Variants in CFAP54 observed in about 807,000 individuals in gnomAD.
CFAP54 encodes cilia and flagella associated protein 54.
A neutral mutation model predicts 370.4 loss-of-function variants in CFAP54; 290 were observed. That is an observed-to-expected ratio of 0.78 (90% CI 0.71 to 0.86). The LOEUF is 0.86. Ranked by LOEUF, CFAP54 falls within the 40% of genes least tolerant of loss-of-function variation. The pLI, the probability that CFAP54 is intolerant of heterozygous loss-of-function variation, is 0.00. For missense variants in CFAP54, 3,399 were observed against 3,528.7 expected (o/e 0.96, Z 0.93); for synonymous variants, 1,206 against 1,236.5 (o/e 0.98, Z 0.52).
rs201346936 is a variant in CFAP54, at chr12:96,798,449, T to TCAACG, written c.8850+5950_8850+5951insCAACG. On this transcript the variant is annotated intron_variant, in intron 63 of 67. Coordinates refer to ENST00000524981, the MANE Select transcript of CFAP54 (RefSeq NM_001306084.2). ...AACCTCATCTACTCATTTCCATTTT[T>TCAACG]GCTGTTGAGAGTTAAGCCGTTGCTG... Among the ~76,000 whole-genome samples the TCAACG allele has an allele frequency of 9.5e-3, 1,448 of 152,322 alleles. 53 individuals carry two copies. In the East Asian group the frequency reaches 0.1, roughly 11 times the overall value.
chr12:96,623,972 A>G, intron 28 of CFAP54, 91 bp downstream of exon 28: 1 of 831,722 alleles, frequency 1.2e-6, no homozygotes. Context: ...TGAGATTAGC[A>G]TTTGGTAAAC....
intron 41 of CFAP54, 69 bp downstream of exon 41, chr12:96,684,804 T>C: frequency 7.6e-7 from 1 of 1,308,872 alleles, no homozygotes. Context: ...AAGTTTTTAA[T>C]GAAAAAACAT....
chr12:96,623,740 A>G, intron 27 of CFAP54, 27 bp from the exon 28 acceptor site: 1 of 1,207,912 alleles, frequency 8.3e-7, no homozygotes, highest in Non-Finnish European at 1.2e-6. Flanking sequence ...GTTAAAGTAC[A>G]TTTTGACGTT....
chr12:96,605,628 A>G (rs1956291525), intron 26 of CFAP54, among the ~76,000 whole-genome samples: 1 of 149,794 alleles, frequency 6.7e-6, no homozygotes, highest in African/African-American at 2.4e-5. Context: ...TTCAATATGT[A>G]TTTACGATTA....
At chr12:96,801,104 G>A (rs1958815753) in intron 63 of CFAP54, among the ~76,000 whole-genome samples, 1 of 152,190 alleles carries the variant, frequency 6.6e-6, no homozygotes, top group Non-Finnish European at 1.5e-5. Context: ...GGTCCCTTTA[G>A]TTTATTCACC....
chr12:96,739,377 G>A (rs1335803016), intron 50 of CFAP54, among the ~76,000 whole-genome samples: 1 of 152,128 alleles, frequency 6.6e-6, no homozygotes, highest in Non-Finnish European at 1.5e-5. Context: ...ATTTATGTAT[G>A]GAGCAACAGG....
chr12:96,647,751 C>T, intron 33 of CFAP54, 124 bp from the exon 34 acceptor site: 1 of 811,210 alleles, frequency 1.2e-6, no homozygotes, highest in East Asian at 3.2e-5. Flanking sequence ...AGTGACAAAA[C>T]CCTTCATGAT....
intron 2 of CFAP54, among the ~76,000 whole-genome samples, chr12:96,502,672 T>C (rs1246116696): frequency 1.3e-5 from 2 of 152,172 alleles, no homozygotes; most frequent in African/African-American, 4.8e-5. Context: ...CAGTTCAACC[T>C]TGGGCAGTTG....
chr12:96,810,077 G>A (rs1351598371), intron 63 of CFAP54, among the ~76,000 whole-genome samples: 1 of 152,014 alleles, frequency 6.6e-6, no homozygotes, highest in Non-Finnish European at 1.5e-5. Context: ...GGAGTCTCCA[G>A]GTTGTACCCA....
At position 96,503,985 on chromosome 12, in the gene CFAP54, AC is replaced by A; in HGVS notation, c.525del (p.Phe177SerfsTer17). On this transcript the variant is annotated frameshift_variant, in exon 3 of 68. Transcript: ENST00000524981. LOFTEE classifies it high-confidence loss of function. The stretch of plus-strand genomic sequence containing the variant: ...AGTGGATGTAACTCAATTCAAAGCT[AC>A]CTTTTTCCCAAAAGGCTTTAAAGAT... ...NKVDVTQFKA[T>X]FFPKGFKDKT... The A allele has an allele frequency of 6.6e-7, 1 of 1,524,066 alleles. No individual in the cohort carries two copies. The highest frequency in any genetic ancestry group is 8.8e-7 in the Non-Finnish European group (1 of 1,142,796). The allele number at this position is 1,524,066 out of a possible 1,614,324, so 94.4% of individuals were successfully genotyped here.
intron 23 of CFAP54, among the ~76,000 whole-genome samples, chr12:96,591,281 T>C (rs1344054092): frequency 2.0e-5 from 3 of 152,008 alleles, no homozygotes; most frequent in Non-Finnish European, 4.4e-5. Context: ...TAGCAGGCCA[T>C]TGGTGAATTC....
intron 42 of CFAP54, 92 bp downstream of exon 42, chr12:96,685,330 C>A: frequency 9.3e-7 from 1 of 1,080,660 alleles, no homozygotes; most frequent in Non-Finnish European, 1.4e-6. Flanking sequence ...GCCTCATGCA[C>A]ACTGGATTTC....
chr12:96,736,173 T>A (rs1957977952), intron 50 of CFAP54, among the ~76,000 whole-genome samples: 1 of 152,178 alleles, frequency 6.6e-6, no homozygotes, highest in African/African-American at 2.4e-5. Context: ...CCTGAGGGTT[T>A]ACTGAGAGCA....
At chr12:96,689,808 C>T (rs2136562869) in intron 43 of CFAP54, among the ~76,000 whole-genome samples, 1 of 152,196 alleles carries the variant, frequency 6.6e-6, no homozygotes, top group Middle Eastern at 3.4e-3. Flanking sequence ...AACCAGGGGC[C>T]TTTGTAATCT....
intron 24 of CFAP54, among the ~76,000 whole-genome samples, chr12:96,593,465 A>C (rs1013255294): frequency 1.3e-5 from 2 of 152,134 alleles, no homozygotes; most frequent in East Asian, 3.8e-4. Flanking sequence ...TCTTTGCCCC[A>C]GACAAGTTCA....
At chr12:96,639,646 G>A (rs1450239444) in intron 32 of CFAP54, among the ~76,000 whole-genome samples, 9 of 152,090 alleles carry the variant, frequency 5.9e-5, no homozygotes, top group Admixed American at 2.0e-4. Context: ...TTTTAGAGCA[G>A]TATCCCTGAT....
Position 96,756,518 on chromosome 12 carries a change from T to C in CFAP54, c.7901T>C (p.Leu2634Ser). Reference protein sequence around the residue: ...EKSPSFQLESLYEAIQLSLKN... With the variant: ...EKSPSFQLESSYEAIQLSLKN... ...TCTCCAAGTTTTCAACTTGAGAGTT[T>C]ATATGAAGCTATACAACTAAGCCTG... Residue 2634 changes from leucine (L) to serine (S), a missense_variant, in exon 57 of 68, where the codon TTA (leucine) becomes TCA (serine). By Grantham distance (145) the Leu-to-Ser change is moderately radical. Around this residue, in one of 3 missense-constraint regions of CFAP54, gnomAD observed 2,796 missense variants for 2,869.7 expected, o/e 0.97. Coordinates refer to ENST00000524981, the MANE Select transcript of CFAP54 (RefSeq NM_001306084.2). 1 of 1,605,544 alleles carries C rather than the reference T, an allele frequency of 6.2e-7. No homozygotes were observed. Among genetic ancestry groups the C allele is most frequent in the African/African-American group, 1.3e-5 (1 of 74,510 alleles).
intron 67 of CFAP54, among the ~76,000 whole-genome samples, chr12:96,870,303 C>A (rs1389681607): frequency 6.6e-6 from 1 of 151,858 alleles, no homozygotes; most frequent in Non-Finnish European, 1.5e-5. Flanking sequence ...TTTAAAGGAA[C>A]TATAAAAGTT....
intron 11 of CFAP54, 123 bp downstream of exon 11, chr12:96,534,350 G>A (rs983630150): frequency 6.7e-6 from 4 of 601,158 alleles, no homozygotes; most frequent in African/African-American, 5.6e-5. Flanking sequence ...TGAGACAAGA[G>A]TGTGTTTGGT....
Sources: gnomAD v4.1 joint callset for allele counts (sites outside exome capture counted in the v4.1 genomes callset) on GRCh38, gnomAD v4.1.1 for gene constraint, gnomAD v4.1.1 regional missense constraint, MANE v1.5 for transcripts, NCBI Gene and HGNC (gene_info 2026-07-23, HGNC 2026-07-21) for gene names.